ZNF827: variants seen among roughly 807,000 people sequenced by gnomAD.
ZNF827 encodes zinc finger protein 827.
In ZNF827, 13 loss-of-function variants were observed where a neutral mutation model predicts 102.4. The ratio of observed to expected loss-of-function variants is 0.13; its 90% CI spans 0.08 to 0.20. The LOEUF is 0.20. Ranked by LOEUF, ZNF827 falls within the 10% of genes least tolerant of loss-of-function variation. The pLI, the probability that ZNF827 is intolerant of heterozygous loss-of-function variation, is 1.00. For synonymous variants in ZNF827, 523 were observed against 536.2 expected, an observed-to-expected ratio of 0.98 and a Z score of 0.34; for missense variants, 1,103 against 1,344.4, an observed-to-expected ratio of 0.82 and a Z score of 2.81.
intron 10 of ZNF827, 49 bp downstream of exon 10, chr4:145,775,740 A>G: frequency 6.2e-7 from 1 of 1,607,602 alleles, no homozygotes; most frequent in Non-Finnish European, 8.5e-7. Flanking sequence ...GAAGTGTTGA[A>G]GTCAAGAGTC....
chr4:145,921,037 G>A (rs887099495), intron 1 of ZNF827, among the ~76,000 whole-genome samples: 1 of 152,212 alleles, frequency 6.6e-6, no homozygotes, highest in Non-Finnish European at 1.5e-5. Context: ...CAGGGGAGGA[G>A]ACGCCTAATT....
chr4:145,910,171 C>G (rs12510175), intron 1 of ZNF827, among the ~76,000 whole-genome samples: 72,376 of 151,906 alleles, frequency 0.48, 19,179 homozygotes, highest in African/African-American at 0.7. Flanking sequence ...TGGGTCAAGA[C>G]GAGCATTTGG....
intron 11 of ZNF827, among the ~76,000 whole-genome samples, chr4:145,768,903 AT>A (rs1270625272): frequency 0.019 from 580 of 31,286 alleles, 97 homozygotes; most frequent in African/African-American, 0.045. Context: ...ATATATATAT[AT>A]ATATATATAT....
At position 145,763,211 on chromosome 4, in the gene ZNF827, C is replaced by A; in HGVS notation, c.3231-89G>T. On this transcript the variant is annotated intron_variant, in intron 13 of 14. Transcript: ENST00000508784. This position sits in a 1 kb window ranked among gnomAD's most constrained non-coding sequence, Gnocchi z 4.6. ...TACAAGCAGTTCCATCACAGAAAAGCAATTTAGACATCAGCAGTCTGTTTC... is the reference window on the plus strand; with the variant it reads ...TACAAGCAGTTCCATCACAGAAAAGAAATTTAGACATCAGCAGTCTGTTTC... 7.9e-7 allele frequency: 1 copy of A among 1,268,950 alleles called. No homozygotes were observed. Among genetic ancestry groups the A allele is most frequent in the South Asian group, 1.4e-5 (1 of 73,482 alleles). The allele number at this position is 1,268,950 out of a possible 1,614,324, so 78.6% of individuals were successfully genotyped here. A position where few individuals can be genotyped will look rare whatever the true frequency, so the allele number is the denominator to read the frequency against.
chr4:145,919,093 C>T (rs1752883553), intron 1 of ZNF827, among the ~76,000 whole-genome samples: 1 of 151,974 alleles, frequency 6.6e-6, no homozygotes. Flanking sequence ...CCCATCTCTA[C>T]AAAAAGTTTA....
intron 5 of ZNF827, among the ~76,000 whole-genome samples, chr4:145,853,133 G>T (rs1228022477): frequency 2.0e-5 from 3 of 152,184 alleles, no homozygotes; most frequent in Non-Finnish European, 4.4e-5. Context: ...CCTAGGCCTG[G>T]TATCAATCGC....
chr4:145,925,346 T>C (rs765014826), intron 1 of ZNF827, among the ~76,000 whole-genome samples: 12 of 152,208 alleles, frequency 7.9e-5, no homozygotes, highest in Non-Finnish European at 1.5e-4. Context: ...ATCACTTCCT[T>C]GAGGATGCTT....
chr4:145,834,169 C>G lies in ZNF827; in HGVS notation c.2280-10644G>C, dbSNP rs553977952. Among the ~76,000 whole-genome samples the G allele has an allele frequency of 1.8e-3, 273 of 151,544 alleles. 2 individuals are homozygous for G. Among genetic ancestry groups the G allele is most frequent in the African/African-American group, 6.3e-3 (260 of 41,486 alleles). ...AGTTCCAAATAGCCAGAAAATGGCA[C>G]TTTGAATTTTTCCATCCTGCAAGAT... On this transcript the variant is annotated intron_variant, in intron 7 of 14. Transcript: ENST00000508784.
chr4:145,860,268 TGAGGG>T (rs1337528470), intron 5 of ZNF827, among the ~76,000 whole-genome samples: 1 of 152,186 alleles, frequency 6.6e-6, no homozygotes, highest in Non-Finnish European at 1.5e-5. Flanking sequence ...CTTTTCCTCT[TGAGGG>T]GAGGGGCTCT....
intron 7 of ZNF827, chr4:145,832,975 C>T (rs59728524): frequency 0.04 from 6,278 of 157,640 alleles, 393 homozygotes; most frequent in African/African-American, 0.14. Flanking sequence ...TCACACAAGG[C>T]CTGTTTGGTG....
At chr4:145,824,839 C>T (rs1029841632) in intron 7 of ZNF827, among the ~76,000 whole-genome samples, 6 of 152,138 alleles carry the variant, frequency 3.9e-5, no homozygotes, top group Non-Finnish European at 8.8e-5. Context: ...TGCTATTATT[C>T]AATTTTAAAA....
intron 7 of ZNF827, among the ~76,000 whole-genome samples, chr4:145,835,763 G>T (rs1265988584): frequency 8.3e-6 from 1 of 120,592 alleles, no homozygotes; most frequent in African/African-American, 3.0e-5. Context: ...GCTTTAAAAG[G>T]ATTAGAGCCT....
At chr4:145,868,179 C>A (rs1339307190) in intron 5 of ZNF827, among the ~76,000 whole-genome samples, 2 of 152,132 alleles carry the variant, frequency 1.3e-5, no homozygotes, top group African/African-American at 4.8e-5. Context: ...AACTTCTTCC[C>A]AGTTTACCTG....
chr4:145,834,300 G>A (rs1744584672), intron 7 of ZNF827, among the ~76,000 whole-genome samples: 1 of 151,704 alleles, frequency 6.6e-6, no homozygotes, highest in Non-Finnish European at 1.5e-5. Flanking sequence ...AGTGCAACTT[G>A]TCCCAAATCT....
Position 145,898,704 on chromosome 4 carries a change from G to A in ZNF827, c.1093+3462C>T, listed in dbSNP as rs547254462. 4.6e-5 allele frequency among the ~76,000 whole-genome samples: 7 copies of A among 152,228 alleles called. No homozygotes were observed. The South Asian group carries it at 1.2e-3, about 27-fold the overall frequency. Reference sequence around the variant, plus strand: ...AAGTGTCACGTCTCTCTTGCAGGGCGGAAAGGCTATCGAGTGGTGGACTCT... The same window carrying A: ...AAGTGTCACGTCTCTCTTGCAGGGCAGAAAGGCTATCGAGTGGTGGACTCT... On this transcript the variant is annotated intron_variant, in intron 2 of 14. Coordinates refer to ENST00000508784, the MANE Select transcript of ZNF827 (RefSeq NM_001306215.2).
At chr4:145,844,638 C>T (rs1284815398) in intron 7 of ZNF827, among the ~76,000 whole-genome samples, 1 of 150,206 alleles carries the variant, frequency 6.7e-6, no homozygotes, top group African/African-American at 2.5e-5. Context: ...CAAAACTGGG[C>T]CACTGCACTC....
At chr4:145,818,200 C>A (rs1742783928) in intron 8 of ZNF827, among the ~76,000 whole-genome samples, 4 of 152,152 alleles carry the variant, frequency 2.6e-5, no homozygotes. Flanking sequence ...AGGTGTGTTC[C>A]TTTTGGTCAG....
chr4:145,802,560 TC>T (rs1439563881), intron 8 of ZNF827, among the ~76,000 whole-genome samples: 1 of 152,244 alleles, frequency 6.6e-6, no homozygotes, highest in Non-Finnish European at 1.5e-5. Context: ...AGCTGGGGAC[TC>T]CAGGCTTTCT....
At chr4:145,934,078 G>A (rs936060903) in intron 1 of ZNF827, among the ~76,000 whole-genome samples, 1 of 152,030 alleles carries the variant, frequency 6.6e-6, no homozygotes, top group Non-Finnish European at 1.5e-5. Flanking sequence ...AAGAACTTTT[G>A]TAAAAGAGCC....
Sources: gnomAD v4.1 joint callset for allele counts (sites outside exome capture counted in the v4.1 genomes callset) on GRCh38, gnomAD v4.1.1 for gene constraint, Gnocchi (gnomAD v3.1) non-coding constraint, MANE v1.5 for transcripts, NCBI Gene and HGNC (gene_info 2026-07-23, HGNC 2026-07-21) for gene names.